AGMO: variants seen among roughly 807,000 people sequenced by gnomAD.
AGMO encodes alkylglycerol monooxygenase.
A neutral mutation model predicts 60.2 loss-of-function variants in AGMO; 75 were observed. That is an observed-to-expected ratio of 1.25 (90% confidence interval 1.03 to 1.51). AGMO has a LOEUF of 1.51. Among genes scored for constraint, AGMO ranks in the 40% most tolerant of loss-of-function variants. AGMO has a pLI of 0.00. For synonymous variants in AGMO, 261 were observed against 177.1 expected (o/e 1.47, Z -3.76); for missense variants, 763 against 525.5 (o/e 1.45, Z -4.42).
At chr7:15,467,958 A>G (rs1782338314) in intron 3 of AGMO, among the ~76,000 whole-genome samples, 1 of 151,858 alleles carries the variant, frequency 6.6e-6, no homozygotes, top group Non-Finnish European at 1.5e-5. Context: ...AACAAACTCA[A>G]CTTCCCCTTT....
chr7:15,526,668 C>A lies in AGMO; in HGVS notation c.409+18104G>T, dbSNP rs548386736. 3.9e-5 allele frequency among the ~76,000 whole-genome samples: 6 copies of A among 152,246 alleles called. No individual in the cohort carries two copies. The South Asian group carries it at 6.2e-4, about 16-fold the overall frequency. ...AACCTATTTTAAATATTTTACAGAG[C>A]TTGCTTTTTTCCATTAACACAAGCA... On this transcript the variant is annotated intron_variant, in intron 3 of 12. Coordinates refer to ENST00000342526, the MANE Select transcript of AGMO (RefSeq NM_001004320.2).
At chr7:15,147,167 A>C in the AGMO span, among the ~76,000 whole-genome samples, 1 of 152,080 alleles carries the variant, frequency 6.6e-6, no homozygotes, top group Non-Finnish European at 1.5e-5. Context: ...TGCCAACCTT[A>C]GAAGAAGTGG....
chr7:15,202,373 A>C (rs1386136358), intron 12 of AGMO, among the ~76,000 whole-genome samples: 1 of 150,324 alleles, frequency 6.7e-6, no homozygotes, highest in Non-Finnish European at 1.5e-5. Context: ...CTGTTAACTC[A>C]CAGAAAATAC....
chr7:15,324,869 C>G (rs1345936638), intron 12 of AGMO, among the ~76,000 whole-genome samples: 1 of 152,068 alleles, frequency 6.6e-6, no homozygotes. Context: ...GCTTATTTGC[C>G]TGCTGCTCAC....
At chr7:15,490,872 A>T (rs557822421) in intron 3 of AGMO, among the ~76,000 whole-genome samples, 7 of 152,338 alleles carry the variant, frequency 4.6e-5, no homozygotes, top group African/African-American at 1.7e-4. Context: ...TGATTTAAAA[A>T]TCAAATGTTA....
chr7:15,290,657 T>A (rs1246261417), intron 12 of AGMO, among the ~76,000 whole-genome samples: 2 of 152,158 alleles, frequency 1.3e-5, no homozygotes, highest in Non-Finnish European at 2.9e-5. Flanking sequence ...TCATTTGGCA[T>A]CATTTGGTGA....
intron 12 of AGMO, among the ~76,000 whole-genome samples, chr7:15,276,219 C>T (rs1446595035): frequency 6.6e-6 from 1 of 152,132 alleles, no homozygotes; most frequent in East Asian, 1.9e-4. Flanking sequence ...CTTGTAGGAC[C>T]AGTCTAGTGG....
At chr7:15,276,506 T>C (rs1305676829) in intron 12 of AGMO, among the ~76,000 whole-genome samples, 1 of 152,172 alleles carries the variant, frequency 6.6e-6, no homozygotes, top group East Asian at 1.9e-4. Flanking sequence ...CTGATGACTG[T>C]TTTCCTTGAT....
chr7:15,535,984 ACT>A (rs1784476152), intron 3 of AGMO, among the ~76,000 whole-genome samples: 1 of 151,932 alleles, frequency 6.6e-6, no homozygotes. Context: ...CTGAGTGCCT[ACT>A]TTATAGAGTT....
intron 12 of AGMO, among the ~76,000 whole-genome samples, chr7:15,221,407 G>GA (rs1781917796): frequency 6.6e-6 from 1 of 151,610 alleles, no homozygotes; most frequent in South Asian, 2.1e-4. Context: ...CAGAAAGAGA[G>GA]AAAAAAAATG....
chr7:15,196,098 A>T (rs7782811), downstream of AGMO, among the ~76,000 whole-genome samples: 1 of 150,814 alleles, frequency 6.6e-6, no homozygotes, highest in African/African-American at 2.4e-5. Flanking sequence ...GCTGGAATGC[A>T]GTGGTGTGAT....
At chr7:15,198,196 C>CGAGAGAGAGAGAGAGA (rs748392069), downstream of AGMO, among the ~76,000 whole-genome samples, 23 of 77,392 alleles carry the variant, frequency 3.0e-4, 1 homozygote, top group South Asian at 1.5e-3. Flanking sequence ...AGGGCTTTCC[C>CGAGAGAGAGAGAGAGA]GAGAGAGAGA....
In AGMO at chr7:15,200,940, T is replaced by C. The variant is rs142897311; in HGVS notation, c.*345A>G. On this transcript the variant is annotated 3_prime_UTR_variant, in exon 13 of 13. Coordinates refer to ENST00000342526, the MANE Select transcript of AGMO (RefSeq NM_001004320.2). ...ATTTTAGCAAACATCAAAGGAAACA[T>C]TGTTTTCAAATTGATGTAAAGGCAA... 25 of 175,478 alleles carry C rather than the reference T, an allele frequency of 1.4e-4. No homozygotes were observed. In the Admixed American group the frequency reaches 1.5e-3, roughly 10 times the overall value. 10.9% of individuals were successfully genotyped at this position (175,478 alleles called of 1,614,324 possible).
In AGMO at chr7:15,544,871, A is replaced by T. The variant is rs557691761; in HGVS notation, c.310T>A (p.Tyr104Asn). ...LTSYIYIWEN[Y>N]RLFNLPWDSP... ...TCCCAAGGCAAATTGAACAGCCTGT[A>T]GTTCTCCCAGATATAAATATAACTG... Residue 104 changes from tyrosine (Y) to asparagine (N), a missense_variant, in exon 3 of 13, where the codon TAC becomes AAC. Tyr to Asn is a moderately radical substitution (Grantham distance 143, BLOSUM62 -2). Transcript: ENST00000342526. 1 of 1,601,348 alleles carries T rather than the reference A, an allele frequency of 6.2e-7. No individual in the cohort carries two copies. Among genetic ancestry groups the T allele is most frequent in the East Asian group, 2.3e-5 (1 of 44,102 alleles).
chr7:15,399,021 A>T (rs959852329), intron 5 of AGMO, among the ~76,000 whole-genome samples: 49 of 152,270 alleles, frequency 3.2e-4, no homozygotes, highest in African/African-American at 1.1e-3. Flanking sequence ...TTTGTATTTC[A>T]TATTAGTTAA....
intron 12 of AGMO, among the ~76,000 whole-genome samples, chr7:15,313,538 AG>A (rs1169529310): frequency 8.5e-5 from 13 of 152,180 alleles, no homozygotes; most frequent in Non-Finnish European, 1.6e-4. Context: ...GCAGAGTCAA[AG>A]GATTTCAGGT....
At chr7:15,403,550 A>C (rs1453152222) in intron 5 of AGMO, among the ~76,000 whole-genome samples, 1 of 152,024 alleles carries the variant, frequency 6.6e-6, no homozygotes, top group African/African-American at 2.4e-5. Flanking sequence ...AATATACATA[A>C]AAATATGATT....
intron 4 of AGMO, among the ~76,000 whole-genome samples, chr7:15,427,812 C>T (rs532333852): frequency 1.3e-5 from 2 of 152,162 alleles, no homozygotes; most frequent in Admixed American, 6.5e-5. Flanking sequence ...AAAGAAGTCT[C>T]ACTTAAAATG....
chr7:15,433,257 A>G (rs780340232), intron 3 of AGMO, among the ~76,000 whole-genome samples: 4 of 152,110 alleles, frequency 2.6e-5, no homozygotes, highest in Non-Finnish European at 4.4e-5. Flanking sequence ...CTAAACGGTG[A>G]AACAAAGAAT....
Sources: allele counts gnomAD v4.1 joint callset (sites outside exome capture counted in the v4.1 genomes callset), GRCh38; gene constraint gnomAD v4.1.1; transcripts MANE v1.5; gene names NCBI Gene and HGNC (gene_info 2026-07-23, HGNC 2026-07-21).